Variants in KIF16B observed in about 807,000 individuals in gnomAD.
KIF16B encodes the protein kinesin-like protein KIF16B.
KIF16B carries 98 observed loss-of-function variants against 156.3 expected under a neutral mutation model. The ratio of observed to expected loss-of-function variants is 0.63; its 90% CI spans 0.53 to 0.74. The LOEUF is 0.74. Ranked by LOEUF, KIF16B falls within the 30% of genes least tolerant of loss-of-function variation. KIF16B has a pLI of 0.00. For synonymous variants in KIF16B, 564 were observed against 583.7 expected (o/e 0.97, Z 0.49); for missense variants, 1,421 against 1,606.5 (o/e 0.88, Z 1.97).
chr20:16,285,977 A>G (rs6075041), intron 25 of KIF16B, among the ~76,000 whole-genome samples: 16,470 of 152,236 alleles, frequency 0.11, 970 homozygotes, highest in African/African-American at 0.14. Context: ...CCAGAAGTAC[A>G]TAGTTTCTCA....
At chr20:16,354,035 C>T (rs1030468730) in intron 23 of KIF16B, among the ~76,000 whole-genome samples, 24 of 152,156 alleles carry the variant, frequency 1.6e-4, no homozygotes, top group East Asian at 9.6e-4. Flanking sequence ...TTTATGTATC[C>T]TGAAGTGATC....
chr20:16,282,322 C>T (rs979480729), intron 25 of KIF16B, among the ~76,000 whole-genome samples: 5 of 151,276 alleles, frequency 3.3e-5, no homozygotes, highest in African/African-American at 1.2e-4. Flanking sequence ...CATGAGCCAT[C>T]GCGCCTGACG....
At chr20:16,312,075 T>A (rs550215536) in intron 25 of KIF16B, among the ~76,000 whole-genome samples, 2 of 152,322 alleles carry the variant, frequency 1.3e-5, no homozygotes, top group Non-Finnish European at 2.9e-5. Flanking sequence ...CTCACTCACA[T>A]CCTGCTTCCT....
At chr20:16,306,846 G>A (rs985391697) in intron 25 of KIF16B, among the ~76,000 whole-genome samples, 1 of 152,146 alleles carries the variant, frequency 6.6e-6, no homozygotes, top group Non-Finnish European at 1.5e-5. Context: ...CAGATTCCGT[G>A]TTGTATATGC....
chr20:16,368,810 C>T (rs746281486), intron 22 of KIF16B: 247 of 985,834 alleles, frequency 2.5e-4, no homozygotes, highest in Non-Finnish European at 2.8e-4. Context: ...TGCTTGCCTC[C>T]GCTATTTATA....
chr20:16,485,150 G>C (rs2068081172), intron 12 of KIF16B, among the ~76,000 whole-genome samples: 1 of 152,010 alleles, frequency 6.6e-6, no homozygotes, highest in Admixed American at 6.6e-5. Flanking sequence ...TAAACTGATG[G>C]GGATGAGGGA....
At chr20:16,509,532 G>A (rs1158476957) in intron 6 of KIF16B, among the ~76,000 whole-genome samples, 1 of 152,180 alleles carries the variant, frequency 6.6e-6, no homozygotes, top group African/African-American at 2.4e-5. Flanking sequence ...TTACCTCCAA[G>A]TATTCTTATT....
At chr20:16,365,407 G>A (rs534583857) in intron 22 of KIF16B, among the ~76,000 whole-genome samples, 140 of 152,194 alleles carry the variant, frequency 9.2e-4, no homozygotes, top group Admixed American at 3.3e-3. Flanking sequence ...TTAGGTATAA[G>A]GTAATAAGGT....
At chr20:16,295,851 A>T (rs542372994) in intron 25 of KIF16B, among the ~76,000 whole-genome samples, 1 of 152,232 alleles carries the variant, frequency 6.6e-6, no homozygotes, top group Non-Finnish European at 1.5e-5. Context: ...TAATGATACT[A>T]TGGTACATAT....
chr20:16,415,513 C>G (rs890203962), intron 15 of KIF16B, among the ~76,000 whole-genome samples: 1 of 152,134 alleles, frequency 6.6e-6, no homozygotes, highest in African/African-American at 2.4e-5. Context: ...TCTCAGCCCA[C>G]ATTACCCATC....
chr20:16,407,759 C>T (rs1014602809), intron 15 of KIF16B, among the ~76,000 whole-genome samples: 1 of 152,116 alleles, frequency 6.6e-6, no homozygotes, highest in African/African-American at 2.4e-5. Context: ...CCAGAGGTCA[C>T]AAACTGGTGG....
At chr20:16,289,269 T>G (rs943182010) in intron 25 of KIF16B, among the ~76,000 whole-genome samples, 1 of 152,186 alleles carries the variant, frequency 6.6e-6, no homozygotes, top group Admixed American at 6.5e-5. Context: ...ATCGTAAAGT[T>G]GAAAAATCTT....
intron 24 of KIF16B, among the ~76,000 whole-genome samples, chr20:16,323,996 G>A (rs948685770): frequency 4.0e-5 from 6 of 151,882 alleles, no homozygotes; most frequent in African/African-American, 1.4e-4. Flanking sequence ...ATGACCCAGT[G>A]AACGTAAACT....
At chr20:16,380,694 C>T (rs1047486104) in intron 18 of KIF16B, among the ~76,000 whole-genome samples, 18 of 152,170 alleles carry the variant, frequency 1.2e-4, no homozygotes, top group Non-Finnish European at 1.5e-4. Flanking sequence ...ATGGTGATCA[C>T]CAAATGGTCC....
At chr20:16,436,575 TG>T (rs1254603819) in intron 12 of KIF16B, among the ~76,000 whole-genome samples, 1 of 152,162 alleles carries the variant, frequency 6.6e-6, no homozygotes, top group Non-Finnish European at 1.5e-5. Flanking sequence ...GAAGGTACAG[TG>T]GGGGGTATTC....
At chr20:16,381,418 A>G (rs1172317023) in intron 18 of KIF16B, among the ~76,000 whole-genome samples, 1 of 152,074 alleles carries the variant, frequency 6.6e-6, no homozygotes, top group Non-Finnish European at 1.5e-5. Context: ...TTGGTGTATT[A>G]AATTTAATTG....
chr20:16,357,571 A>C (rs1174154637), intron 22 of KIF16B, among the ~76,000 whole-genome samples: 1 of 152,232 alleles, frequency 6.6e-6, no homozygotes, highest in Non-Finnish European at 1.5e-5. Context: ...ATGGTTATGC[A>C]ATGGAACCCA....
At chr20:16,447,750 A>G (rs1169868122) in intron 12 of KIF16B, among the ~76,000 whole-genome samples, 1 of 152,170 alleles carries the variant, frequency 6.6e-6, no homozygotes, top group Non-Finnish European at 1.5e-5. Context: ...ACTAAATTCA[A>G]TATTTCTAAC....
chr20:16,572,581 T>C (rs1337725939), intron 1 of KIF16B, among the ~76,000 whole-genome samples: 1 of 152,268 alleles, frequency 6.6e-6, no homozygotes, highest in Non-Finnish European at 1.5e-5. Flanking sequence ...AGAAGGATTC[T>C]GAAAAAGCAT....
Sources: allele counts gnomAD v4.1 joint callset (sites outside exome capture counted in the v4.1 genomes callset), GRCh38; gene constraint gnomAD v4.1.1; transcripts MANE v1.5; gene names NCBI Gene and HGNC (gene_info 2026-07-23, HGNC 2026-07-21).